SCHIP1: variants seen among roughly 807,000 people sequenced by gnomAD.
SCHIP1 encodes the protein schwannomin-interacting protein 1.
SCHIP1 carries 8 observed loss-of-function variants against 29.7 expected under a neutral mutation model. The observed-to-expected ratio is 0.27, with a 90% CI of 0.16 to 0.49. The LOEUF is 0.49. SCHIP1 is among the 20% of genes least tolerant of loss of function. The pLI is 0.99. For synonymous variants in SCHIP1, 76 were observed against 94.9 expected (o/e 0.80, Z 1.16); for missense variants, 193 against 294.6 (o/e 0.66, Z 2.52).
chr3:159,559,737 AG>A, the SCHIP1 span, among the ~76,000 whole-genome samples: 1 of 152,134 alleles, frequency 6.6e-6, no homozygotes, highest in African/African-American at 2.4e-5. Context: ...GCCCTTTTGC[AG>A]TCAATTCCCA....
chr3:159,756,043 A>G, the SCHIP1 span, among the ~76,000 whole-genome samples: 1 of 152,300 alleles, frequency 6.6e-6, no homozygotes, highest in African/African-American at 2.4e-5. Flanking sequence ...CCAGGTGCAC[A>G]GTGCAAGCTG....
the SCHIP1 span, among the ~76,000 whole-genome samples, chr3:159,636,193 A>C: frequency 1.3e-5 from 2 of 152,186 alleles, no homozygotes; most frequent in Non-Finnish European, 2.9e-5. Context: ...GACAACAGGC[A>C]TGTGCCACCA....
the SCHIP1 span, among the ~76,000 whole-genome samples, chr3:159,515,929 A>T: frequency 6.6e-6 from 1 of 151,224 alleles, no homozygotes; most frequent in Non-Finnish European, 1.5e-5. Context: ...AGAAAAATAC[A>T]TAGTATTTGT....
intron 2 of SCHIP1, among the ~76,000 whole-genome samples, chr3:159,868,324 A>C (rs1005655390): frequency 6.6e-6 from 1 of 151,958 alleles, no homozygotes; most frequent in Non-Finnish European, 1.5e-5. Context: ...TCTAAATAAA[A>C]TGCTTATCTT....
intron 6 of SCHIP1, among the ~76,000 whole-genome samples, chr3:159,895,235 TGTTA>T (rs1717947286): frequency 6.6e-6 from 1 of 152,230 alleles, no homozygotes; most frequent in South Asian, 2.1e-4. Flanking sequence ...GTACCTTTAT[TGTTA>T]GTTGAATAGT....
the SCHIP1 span, among the ~76,000 whole-genome samples, chr3:159,403,187 A>G: frequency 6.6e-6 from 1 of 152,306 alleles, no homozygotes; most frequent in South Asian, 2.1e-4. Context: ...AGAAGCAAAA[A>G]TGAGGAGGGT....
chr3:159,722,107 A>C, the SCHIP1 span: 1 of 316,926 alleles, frequency 3.2e-6, no homozygotes. Context: ...CTCTTCACTG[A>C]TTTTATCTTT....
intron 2 of SCHIP1, among the ~76,000 whole-genome samples, chr3:159,873,291 G>T (rs1049647465): frequency 1.3e-5 from 2 of 152,194 alleles, no homozygotes; most frequent in East Asian, 1.9e-4. Context: ...AGGTGAGTGG[G>T]ATCTTTGGCA....
the SCHIP1 span, among the ~76,000 whole-genome samples, chr3:159,797,011 G>A: frequency 6.6e-6 from 1 of 152,084 alleles, no homozygotes; most frequent in African/African-American, 2.4e-5. Context: ...CTGTTGCCCA[G>A]GAGATCCACA....
At chr3:159,311,076 C>T in the SCHIP1 span, among the ~76,000 whole-genome samples, 1 of 152,100 alleles carries the variant, frequency 6.6e-6, no homozygotes, top group Non-Finnish European at 1.5e-5. Context: ...CTTCCATGCT[C>T]TCCTTTCCTA....
chr3:159,680,549 T>G, the SCHIP1 span, among the ~76,000 whole-genome samples: 1 of 117,578 alleles, frequency 8.5e-6, no homozygotes, highest in African/African-American at 3.2e-5. Flanking sequence ...TATGTATATA[T>G]ATAATATATA....
the SCHIP1 span, among the ~76,000 whole-genome samples, chr3:159,420,376 A>G: frequency 6.6e-6 from 1 of 152,196 alleles, no homozygotes; most frequent in African/African-American, 2.4e-5. Context: ...AAAATACCTG[A>G]AGAGTATTAA....
At chr3:159,735,612 T>G in the SCHIP1 span, among the ~76,000 whole-genome samples, 1 of 152,196 alleles carries the variant, frequency 6.6e-6, no homozygotes, top group South Asian at 2.1e-4. Flanking sequence ...TTCAGCACTT[T>G]CATTGTTTAG....
chr3:159,428,875 G>A, the SCHIP1 span, among the ~76,000 whole-genome samples: 2 of 152,180 alleles, frequency 1.3e-5, no homozygotes, highest in African/African-American at 4.8e-5. Flanking sequence ...CATAAAAAGT[G>A]ATGAGTTCAT....
the SCHIP1 span, among the ~76,000 whole-genome samples, chr3:159,461,300 C>A: frequency 1.3e-5 from 2 of 152,066 alleles, no homozygotes; most frequent in African/African-American, 2.4e-5. Flanking sequence ...TTCAAACCCA[C>A]CATACCTACC....
the SCHIP1 span, among the ~76,000 whole-genome samples, chr3:159,775,883 G>A: frequency 0.064 from 9,780 of 152,172 alleles, 403 homozygotes; most frequent in African/African-American, 0.074. Flanking sequence ...TAAGATCTCC[G>A]GCAGTGTTGT....
At chr3:159,760,880 T>C in the SCHIP1 span, among the ~76,000 whole-genome samples, 8 of 48,284 alleles carry the variant, frequency 1.7e-4, no homozygotes, top group African/African-American at 1.8e-3. Flanking sequence ...AAGTATTTCT[T>C]ATGAGTCTAG....
chr3:159,811,944 T>C, the SCHIP1 span, among the ~76,000 whole-genome samples: 10 of 151,538 alleles, frequency 6.6e-5, no homozygotes, highest in Non-Finnish European at 8.8e-5. Context: ...TAATTTCTCT[T>C]AGCAATGTTT....
At chr3:159,619,973 C>G in the SCHIP1 span, among the ~76,000 whole-genome samples, 1 of 152,144 alleles carries the variant, frequency 6.6e-6, no homozygotes, top group Non-Finnish European at 1.5e-5. Context: ...ATCAAATTTA[C>G]CTTCATAACA....
Sources: gnomAD v4.1 joint callset for allele counts (sites outside exome capture counted in the v4.1 genomes callset) on GRCh38, gnomAD v4.1.1 for gene constraint, MANE v1.5 for transcripts, NCBI Gene and HGNC (gene_info 2026-07-23, HGNC 2026-07-21) for gene names.